CCSER1: variants seen among roughly 807,000 people sequenced by gnomAD.
CCSER1 encodes coiled-coil serine rich protein 1.
CCSER1 carries 41 observed loss-of-function variants against 82.0 expected under a neutral mutation model. The ratio of observed to expected loss-of-function variants is 0.50; its 90% CI spans 0.39 to 0.65. The LOEUF (loss-of-function observed/expected upper bound fraction) is 0.65, where lower values mean the gene tolerates loss of function less well. Among genes scored for constraint, CCSER1 ranks in the 30% least tolerant of loss-of-function variants. The pLI is 0.00. For synonymous variants in CCSER1, 414 were observed against 383.9 expected, an observed-to-expected ratio of 1.08 and a Z score of -0.92; for missense variants, 1,119 against 1,064.2, an observed-to-expected ratio of 1.05 and a Z score of -0.72.
rs543090756 is a variant in CCSER1 at position 91,397,421 on chromosome 4, G to A, written c.2218-201151G>A. On this transcript the variant is annotated intron_variant, in intron 10 of 10. Transcript: ENST00000509176. The stretch of plus-strand genomic sequence containing the variant: ...CCTTTATTCTTCATGTATTTTATGC[G>A]TGACTCAGATGCCAAAATCCCTATG... Among the ~76,000 whole-genome samples, 4 of 152,110 alleles carry A rather than the reference G, an allele frequency of 2.6e-5. No individual in the cohort carries two copies. The South Asian group carries it at 6.2e-4, about 24-fold the overall frequency.
intron 1 of CCSER1, among the ~76,000 whole-genome samples, chr4:90,277,940 A>G (rs142174375): frequency 1.3e-5 from 2 of 152,292 alleles, no homozygotes; most frequent in East Asian, 3.9e-4. Flanking sequence ...TGCATTTGAC[A>G]AAGATCTAAT....
Position 91,391,881 on chromosome 4 carries a change from T to C in CCSER1, c.2218-206691T>C, listed in dbSNP as rs553962633. ...TTTAATTTTTCAACCTCTAAGATCA[T>C]ACTGATCTTAGGAACTTGAAAAGTT... On this transcript the variant is annotated intron_variant, in intron 10 of 10. Transcript: ENST00000509176. Among the ~76,000 whole-genome samples, 14 of 152,244 alleles carry C rather than the reference T, an allele frequency of 9.2e-5. 1 individual carries two copies. In the South Asian group the frequency reaches 2.9e-3, roughly 32 times the overall value.
intron 9 of CCSER1, among the ~76,000 whole-genome samples, chr4:90,960,903 A>G (rs1188304746): frequency 2.0e-5 from 3 of 152,156 alleles, no homozygotes; most frequent in Admixed American, 6.6e-5. Flanking sequence ...TACTATTTTT[A>G]TCCCCATTTA....
intron 10 of CCSER1, among the ~76,000 whole-genome samples, chr4:91,221,726 C>T (rs1416781254): frequency 6.6e-6 from 1 of 151,980 alleles, no homozygotes; most frequent in Non-Finnish European, 1.5e-5. Flanking sequence ...GGTTCACTGC[C>T]AAGCATTGTG....
intron 8 of CCSER1, among the ~76,000 whole-genome samples, chr4:90,849,870 G>T (rs970910145): frequency 6.6e-6 from 1 of 151,872 alleles, no homozygotes; most frequent in South Asian, 2.1e-4. Context: ...ATAAGGAGGT[G>T]AATGTTAATC....
intron 1 of CCSER1, among the ~76,000 whole-genome samples, chr4:90,163,017 T>A (rs1340514571): frequency 6.6e-6 from 1 of 152,180 alleles, no homozygotes; most frequent in Non-Finnish European, 1.5e-5. Context: ...TTTATTCCTG[T>A]GTTTGTTTCA....
intron 4 of CCSER1, among the ~76,000 whole-genome samples, chr4:90,408,712 A>C (rs761096454): frequency 1.3e-5 from 2 of 152,210 alleles, no homozygotes; most frequent in Non-Finnish European, 2.9e-5. Flanking sequence ...CAGAAATCTA[A>C]AAATCAGAGC....
intron 5 of CCSER1, among the ~76,000 whole-genome samples, chr4:90,492,039 G>A (rs1768111946): frequency 6.6e-6 from 1 of 152,188 alleles, no homozygotes; most frequent in African/African-American, 2.4e-5. Context: ...CATAAAATGA[G>A]TTAGGGAGGA....
In CCSER1 at chr4:90,594,088, G is replaced by A. The variant is rs140124459; in HGVS notation, c.1725-33937G>A. Among the ~76,000 whole-genome samples, 183 of 151,922 alleles carry A rather than the reference G, an allele frequency of 1.2e-3. 4 individuals carry two copies. The East Asian group carries it at 0.026, about 21-fold the overall frequency. On this transcript the variant is annotated intron_variant, in intron 5 of 10. Coordinates refer to ENST00000509176, the MANE Select transcript of CCSER1 (RefSeq NM_001145065.2). Reference sequence around the variant, plus strand: ...CCTTTGGAAGTTATGCTATGGGGATGTGGCTATTGGCATTCACTAGGCAAA... The same window carrying A: ...CCTTTGGAAGTTATGCTATGGGGATATGGCTATTGGCATTCACTAGGCAAA...
chr4:91,432,442 A>G (rs1027865203), intron 10 of CCSER1, among the ~76,000 whole-genome samples: 4 of 152,210 alleles, frequency 2.6e-5, no homozygotes, highest in Admixed American at 2.0e-4. Context: ...CAATAAATAT[A>G]TAGATTTATT....
chr4:91,404,982 G>T lies in CCSER1; in HGVS notation c.2218-193590G>T, dbSNP rs189022295. 2.9e-3 allele frequency among the ~76,000 whole-genome samples: 437 copies of T among 152,248 alleles called. 1 individual carries two copies. The highest frequency in any genetic ancestry group is 0.01 in the African/African-American group (421 of 41,548). ...TTTCTGTCTTGTTGATCTGTCTAAT[G>T]TTGACAGTGGGGTGTTAAAGTCACT... On this transcript the variant is annotated intron_variant, in intron 10 of 10. Coordinates refer to ENST00000509176, the MANE Select transcript of CCSER1 (RefSeq NM_001145065.2).
intron 3 of CCSER1, among the ~76,000 whole-genome samples, chr4:90,350,765 C>T (rs1251025598): frequency 6.6e-6 from 1 of 152,004 alleles, no homozygotes; most frequent in Non-Finnish European, 1.5e-5. Flanking sequence ...TCTTGAAGTA[C>T]ACAAAAGGAA....
At chr4:90,602,712 A>G (rs74956619) in intron 5 of CCSER1, among the ~76,000 whole-genome samples, 2,088 of 152,088 alleles carry the variant, frequency 0.014, 49 homozygotes, top group African/African-American at 0.048. Flanking sequence ...TCACATTTCT[A>G]CCCCTGCTTA....
intron 5 of CCSER1, among the ~76,000 whole-genome samples, chr4:90,512,440 C>T (rs1731692768): frequency 1.3e-5 from 2 of 151,976 alleles, no homozygotes; most frequent in African/African-American, 2.4e-5. Context: ...CTAGGTATTA[C>T]ATTTGATGAT....
At chr4:91,407,448 A>G (rs981129307) in intron 10 of CCSER1, among the ~76,000 whole-genome samples, 1 of 152,172 alleles carries the variant, frequency 6.6e-6, no homozygotes, top group South Asian at 2.1e-4. Flanking sequence ...GCCACTTTTT[A>G]TCTCATGTTG....
intron 1 of CCSER1, among the ~76,000 whole-genome samples, chr4:90,183,736 T>C (rs1043665260): frequency 6.6e-6 from 1 of 152,178 alleles, no homozygotes; most frequent in Non-Finnish European, 1.5e-5. Context: ...GTAAATTAAA[T>C]TCTTTCTATT....
intron 8 of CCSER1, among the ~76,000 whole-genome samples, chr4:90,830,758 T>C (rs1271249421): frequency 1.3e-5 from 2 of 152,130 alleles, no homozygotes; most frequent in African/African-American, 4.8e-5. Flanking sequence ...CCCTTCCTTT[T>C]TTCTCTATTG....
intron 4 of CCSER1, among the ~76,000 whole-genome samples, chr4:90,461,266 C>T (rs1439483509): frequency 1.6e-5 from 2 of 121,746 alleles, no homozygotes; most frequent in South Asian, 2.4e-4. Context: ...GGGGTTTCAC[C>T]GTTTTTTAGC....
chr4:91,517,315 T>A (rs1760181658), intron 10 of CCSER1, among the ~76,000 whole-genome samples: 1 of 152,184 alleles, frequency 6.6e-6, no homozygotes, highest in South Asian at 2.1e-4. Context: ...CCCTTCCATA[T>A]GATGTTGGGT....
Sources: allele counts gnomAD v4.1 joint callset (sites outside exome capture counted in the v4.1 genomes callset), GRCh38; gene constraint gnomAD v4.1.1; transcripts MANE v1.5; gene names NCBI Gene and HGNC (gene_info 2026-07-23, HGNC 2026-07-21).